Variants in CTNNA3 observed in about 807,000 individuals in gnomAD.
CTNNA3 encodes the protein catenin alpha-3.
Under a neutral mutation model 95.7 loss-of-function variants are expected in CTNNA3, and 76 were observed. The observed-to-expected ratio is 0.79, with a 90% CI of 0.66 to 0.96. CTNNA3 has a LOEUF of 0.96. Among genes scored for constraint, CTNNA3 ranks in the 40% least tolerant of loss-of-function variants. CTNNA3 has a pLI of 0.00. For synonymous variants in CTNNA3, 431 were observed against 374.4 expected, an observed-to-expected ratio of 1.15 and a Z score of -1.74; for missense variants, 1,191 against 1,089.8, an observed-to-expected ratio of 1.09 and a Z score of -1.31.
At chr10:65,921,332 T>C (rs976455068) in intron 17 of CTNNA3, among the ~76,000 whole-genome samples, 1 of 152,230 alleles carries the variant, frequency 6.6e-6, no homozygotes, top group Non-Finnish European at 1.5e-5. Context: ...TAAATACCTA[T>C]AAATCCTTGA....
At chr10:65,929,296 C>G (rs2077214450) in intron 17 of CTNNA3, among the ~76,000 whole-genome samples, 1 of 152,046 alleles carries the variant, frequency 6.6e-6, no homozygotes, top group Admixed American at 6.6e-5. Flanking sequence ...TTATTAAAAA[C>G]TAACTTCTTG....
chr10:66,251,028 A>C (rs2090529876), intron 13 of CTNNA3, among the ~76,000 whole-genome samples: 1 of 152,154 alleles, frequency 6.6e-6, no homozygotes, highest in South Asian at 2.1e-4. Context: ...TGATTGACTG[A>C]ATGAGAGGTG....
intron 12 of CTNNA3, among the ~76,000 whole-genome samples, chr10:66,321,092 T>C (rs1249366168): frequency 6.6e-6 from 1 of 152,124 alleles, no homozygotes; most frequent in Admixed American, 6.5e-5. Context: ...TTCCCATAGA[T>C]TATGATATGA....
intron 12 of CTNNA3, among the ~76,000 whole-genome samples, chr10:66,294,350 G>A (rs1038109206): frequency 6.6e-6 from 1 of 152,130 alleles, no homozygotes; most frequent in African/African-American, 2.4e-5. Flanking sequence ...AGGAGGGGGT[G>A]AGGAGAAGCC....
intron 10 of CTNNA3, among the ~76,000 whole-genome samples, chr10:66,541,188 A>G (rs1841839095): frequency 6.6e-6 from 1 of 152,124 alleles, no homozygotes; most frequent in African/African-American, 2.4e-5. Context: ...TCATCATTGT[A>G]TAGGTGTGGC....
intron 10 of CTNNA3, among the ~76,000 whole-genome samples, 177 bp downstream of exon 10, chr10:66,621,515 T>C (rs1844745913): frequency 6.7e-6 from 1 of 149,950 alleles, no homozygotes; most frequent in Non-Finnish European, 1.5e-5. Context: ...TCCCAGCTAC[T>C]CAGGAAGCAG....
intron 5 of CTNNA3, among the ~76,000 whole-genome samples, chr10:67,481,744 T>C (rs529611150): frequency 9.2e-5 from 14 of 152,320 alleles, no homozygotes; most frequent in Admixed American, 7.8e-4. Context: ...CAGAAGCTCT[T>C]TAGTTTACTT....
intron 5 of CTNNA3, among the ~76,000 whole-genome samples, chr10:67,372,362 T>A (rs1843504857): frequency 6.6e-6 from 1 of 152,194 alleles, no homozygotes. Flanking sequence ...TGGTTTTAGG[T>A]CTAACATTTA....
intron 7 of CTNNA3, among the ~76,000 whole-genome samples, chr10:66,944,384 C>T (rs1374567826): frequency 6.6e-6 from 1 of 152,166 alleles, no homozygotes; most frequent in African/African-American, 2.4e-5. Context: ...CACACTCCAT[C>T]TCTAATTCTA....
intron 5 of CTNNA3, among the ~76,000 whole-genome samples, chr10:67,516,320 C>T (rs374887357): frequency 1.2e-4 from 18 of 152,284 alleles, no homozygotes; most frequent in African/African-American, 4.1e-4. Flanking sequence ...TGATTCACTA[C>T]TTTTTTCTTG....
At chr10:67,019,194 C>A (rs1311006175) in intron 7 of CTNNA3, among the ~76,000 whole-genome samples, 4 of 152,000 alleles carry the variant, frequency 2.6e-5, no homozygotes, top group Non-Finnish European at 5.9e-5. Flanking sequence ...ACCATTCTTG[C>A]CACTTTTCTT....
At chr10:66,258,755 T>C (rs1425139825) in intron 13 of CTNNA3, among the ~76,000 whole-genome samples, 1 of 152,114 alleles carries the variant, frequency 6.6e-6, no homozygotes, top group Non-Finnish European at 1.5e-5. Flanking sequence ...GGTAGCCCTC[T>C]TAGTCTAAGA....
At chr10:67,321,305 C>T (rs530868247) in intron 5 of CTNNA3, among the ~76,000 whole-genome samples, 1 of 152,296 alleles carries the variant, frequency 6.6e-6, no homozygotes, top group South Asian at 2.1e-4. Context: ...CAGAAAGAAA[C>T]ATTCTAACTT....
chr10:66,007,724 C>CTTCCTCCCTACCTT (rs1589242152), intron 15 of CTNNA3, among the ~76,000 whole-genome samples: 2 of 40,738 alleles, frequency 4.9e-5, no homozygotes, highest in East Asian at 3.3e-3. Flanking sequence ...CTCCCTCCCT[C>CTTCCTCCCTACCTT]CCTTTCTTCC....
At chr10:66,010,193 A>G (rs953670440) in intron 15 of CTNNA3, among the ~76,000 whole-genome samples, 2 of 152,180 alleles carry the variant, frequency 1.3e-5, no homozygotes, top group African/African-American at 4.8e-5. Flanking sequence ...ACATGTTACT[A>G]TCATCTACGA....
chr10:66,642,893 C>T (rs910494204), intron 9 of CTNNA3, among the ~76,000 whole-genome samples: 6 of 152,032 alleles, frequency 3.9e-5, no homozygotes, highest in East Asian at 3.9e-4. Flanking sequence ...CAAGTTCTAG[C>T]GATTATTGTG....
At chr10:66,413,500 TA>T (rs1014105965) in intron 11 of CTNNA3, among the ~76,000 whole-genome samples, 3 of 152,192 alleles carry the variant, frequency 2.0e-5, no homozygotes, top group African/African-American at 7.2e-5. Flanking sequence ...AAATTGGCCT[TA>T]AAAACAGGTG....
Position 67,589,464 on chromosome 10 carries a change from TATAA to T in CTNNA3, c.292+17389_292+17392del, listed in dbSNP as rs34299670. On this transcript the variant is annotated intron_variant, in intron 3 of 17. Transcript: ENST00000433211. ...ATAGGAAAAAGGCATAGGAAAATAG[TATAA>T]ATAGTTTCTTTTGTGATCCTCTTCT... 0.029 allele frequency among the ~76,000 whole-genome samples: 4,376 copies of T among 152,186 alleles called. 431 individuals are homozygous for T. In the East Asian group the frequency reaches 0.36, roughly 13 times the overall value.
In CTNNA3 at chr10:67,610,852, C is replaced by T. The variant is rs565770327; in HGVS notation, c.100-3803G>A. ...TTTACCTTTTGCCATAGATACAAAA[C>T]CCTCCCATTCCCCTCTTTCTCAGAC... On this transcript the variant is annotated intron_variant, in intron 2 of 17. Coordinates refer to ENST00000433211, the MANE Select transcript of CTNNA3 (RefSeq NM_013266.4). Among the ~76,000 whole-genome samples, 77 of 152,302 alleles carry T rather than the reference C, an allele frequency of 5.1e-4. 1 individual carries two copies. The highest frequency in any genetic ancestry group is 1.9e-3 in the African/African-American group (77 of 41,566).
Sources: gnomAD v4.1 joint callset for allele counts (sites outside exome capture counted in the v4.1 genomes callset) on GRCh38, gnomAD v4.1.1 for gene constraint, MANE v1.5 for transcripts, NCBI Gene and HGNC (gene_info 2026-07-23, HGNC 2026-07-21) for gene names.